KCNQ3: variants seen among roughly 807,000 people sequenced by gnomAD.
The protein encoded by KCNQ3 is potassium voltage-gated channel subfamily Q member 3.
In KCNQ3, 30 loss-of-function variants were observed where a neutral mutation model predicts 92.5. The ratio of observed to expected loss-of-function variants is 0.32; its 90% confidence interval spans 0.24 to 0.44. KCNQ3 has a LOEUF of 0.44. KCNQ3 is among the 20% of genes least tolerant of loss of function. The probability of loss-of-function intolerance (pLI) is 1.00; values close to 1 mark genes in which losing one functional copy is unlikely to be tolerated. For synonymous variants in KCNQ3, 450 were observed against 468.8 expected (o/e 0.96, Z 0.52); for missense variants, 913 against 1,140.3 (o/e 0.80, Z 2.87).
At chr8:132,176,850 T>G (rs1271575002) in intron 4 of KCNQ3, among the ~76,000 whole-genome samples, 1 of 152,268 alleles carries the variant, frequency 6.6e-6, no homozygotes, top group Non-Finnish European at 1.5e-5. Flanking sequence ...CATTTTATTA[T>G]GCTCATTTGC....
At chr8:132,400,898 T>C (rs1269274486) in intron 1 of KCNQ3, among the ~76,000 whole-genome samples, 1 of 152,220 alleles carries the variant, frequency 6.6e-6, no homozygotes, top group Non-Finnish European at 1.5e-5. Flanking sequence ...GGTAGCATTG[T>C]TGGTCGCACA....
chr8:132,310,910 C>A (rs1477226453), intron 1 of KCNQ3, among the ~76,000 whole-genome samples: 1 of 151,630 alleles, frequency 6.6e-6, no homozygotes, highest in Non-Finnish European at 1.5e-5. Context: ...TCACTATAAA[C>A]AAATGGTATC....
At chr8:132,363,978 T>C (rs1311129918) in intron 1 of KCNQ3, among the ~76,000 whole-genome samples, 1 of 152,026 alleles carries the variant, frequency 6.6e-6, no homozygotes, top group Non-Finnish European at 1.5e-5. Flanking sequence ...AGTTCATGTG[T>C]ACCATTGAAG....
intron 1 of KCNQ3, among the ~76,000 whole-genome samples, chr8:132,303,600 T>TATA (rs1817301410): frequency 4.1e-5 from 1 of 24,302 alleles, no homozygotes; most frequent in Non-Finnish European, 7.0e-5. Flanking sequence ...TATATATATA[T>TATA]GGTGTGTATA....
At chr8:132,478,981 G>A (rs555833946) in intron 1 of KCNQ3, among the ~76,000 whole-genome samples, 7 of 151,738 alleles carry the variant, frequency 4.6e-5, no homozygotes, top group East Asian at 1.9e-4. Context: ...AGAGAGGGGG[G>A]AGGGGGGGTT....
At chr8:132,351,681 G>A (rs984549196) in intron 1 of KCNQ3, among the ~76,000 whole-genome samples, 6 of 152,202 alleles carry the variant, frequency 3.9e-5, no homozygotes, top group Non-Finnish European at 7.3e-5. Flanking sequence ...CTTCCCGTGG[G>A]TGGCACTGTG....
intron 1 of KCNQ3, among the ~76,000 whole-genome samples, chr8:132,420,452 G>A (rs555069859): frequency 3.3e-5 from 5 of 152,258 alleles, no homozygotes; most frequent in East Asian, 1.9e-4. Flanking sequence ...CCAGCCTGGC[G>A]ACATCTGCAG....
At chr8:132,294,818 T>C (rs760699252) in intron 1 of KCNQ3, among the ~76,000 whole-genome samples, 2 of 152,196 alleles carry the variant, frequency 1.3e-5, no homozygotes, top group Non-Finnish European at 2.9e-5. Context: ...TCTCTACTAC[T>C]TAAAGTTATT....
Position 132,359,122 on chromosome 8 carries a change from A to G in KCNQ3, c.386+121025T>C, listed in dbSNP as rs542286416. ...ATCTGTCTATTGGGAACAGTACAGT[A>G]TAATTGGGAGGGTCAAATACAGTGA... On this transcript the variant is annotated intron_variant, in intron 1 of 14. Transcript: ENST00000388996. Among the ~76,000 whole-genome samples, 6 of 152,344 alleles carry G rather than the reference A, an allele frequency of 3.9e-5. No homozygotes were observed. In the South Asian group the frequency reaches 1.0e-3, roughly 26 times the overall value.
intron 9 of KCNQ3, among the ~76,000 whole-genome samples, chr8:132,150,609 T>C (rs973494050): frequency 6.6e-6 from 1 of 152,216 alleles, no homozygotes; most frequent in Non-Finnish European, 1.5e-5. Flanking sequence ...TCTTGGACCT[T>C]GTTTTGCTGG....
chr8:132,303,071 C>G (rs940855240), intron 1 of KCNQ3, among the ~76,000 whole-genome samples: 16 of 152,240 alleles, frequency 1.1e-4, no homozygotes, highest in African/African-American at 3.9e-4. Flanking sequence ...CATGCAAGAA[C>G]AGGAAAGGGA....
intron 1 of KCNQ3, among the ~76,000 whole-genome samples, chr8:132,460,067 A>G (rs1822028553): frequency 6.6e-6 from 1 of 151,998 alleles, no homozygotes; most frequent in South Asian, 2.1e-4. Context: ...ATTTTTTAAA[A>G]CACCTTTTTA....
chr8:132,452,690 A>G (rs1439671747), intron 1 of KCNQ3, among the ~76,000 whole-genome samples: 2 of 151,956 alleles, frequency 1.3e-5, no homozygotes, highest in African/African-American at 4.8e-5. Context: ...AGTCCTCTTC[A>G]CTCTCTGCCT....
At chr8:132,253,863 T>G (rs571679861) in intron 1 of KCNQ3, among the ~76,000 whole-genome samples, 2 of 152,228 alleles carry the variant, frequency 1.3e-5, no homozygotes, top group Non-Finnish European at 2.9e-5. Context: ...AAAAATTTAC[T>G]GTAGAAGAAA....
At chr8:132,448,436 C>T (rs1238661772) in intron 1 of KCNQ3, among the ~76,000 whole-genome samples, 2 of 138,650 alleles carry the variant, frequency 1.4e-5, no homozygotes, top group African/African-American at 5.4e-5. Context: ...GTCATGTAGG[C>T]GTAGGTCTCT....
At chr8:132,157,644 T>TATTA (rs1563777766) in intron 9 of KCNQ3, among the ~76,000 whole-genome samples, 4 of 69,088 alleles carry the variant, frequency 5.8e-5, no homozygotes, top group Non-Finnish European at 3.7e-5. Flanking sequence ...AACCTGTGTT[T>TATTA]TATTTTATTT....
chr8:132,281,025 C>G (rs1456166732), intron 1 of KCNQ3, among the ~76,000 whole-genome samples: 3 of 152,078 alleles, frequency 2.0e-5, no homozygotes, highest in African/African-American at 7.2e-5. Flanking sequence ...TATTGTTCAG[C>G]TTGGGGTGGG....
At chr8:132,368,916 C>A (rs1196778400) in intron 1 of KCNQ3, among the ~76,000 whole-genome samples, 1 of 122,848 alleles carries the variant, frequency 8.1e-6, no homozygotes, top group East Asian at 2.4e-4. Flanking sequence ...CTTTACTGAC[C>A]CTTTTTTCTG....
chr8:132,150,820 T>C (rs1825614292), intron 9 of KCNQ3, among the ~76,000 whole-genome samples: 1 of 152,044 alleles, frequency 6.6e-6, no homozygotes, highest in African/African-American at 2.4e-5. Flanking sequence ...CCTGTCTGTG[T>C]AGTTATATAT....
Sources: allele counts gnomAD v4.1 joint callset (sites outside exome capture counted in the v4.1 genomes callset), GRCh38; gene constraint gnomAD v4.1.1; transcripts MANE v1.5; gene names NCBI Gene and HGNC (gene_info 2026-07-23, HGNC 2026-07-21).